The following JAK1 variants were observed in gnomAD, a reference collection of about 807,000 sequenced individuals.
JAK1 encodes tyrosine-protein kinase JAK1.
A neutral mutation model predicts 136.6 loss-of-function variants in JAK1; 16 were observed. The ratio of observed to expected loss-of-function variants is 0.12; its 90% CI spans 0.08 to 0.18. The LOEUF (loss-of-function observed/expected upper bound fraction) is 0.18. Among genes scored for constraint, JAK1 ranks in the 10% least tolerant of loss-of-function variants. The probability of loss-of-function intolerance (pLI) is 1.00; values close to 1 mark genes in which losing one functional copy is unlikely to be tolerated. For synonymous variants in JAK1, 492 were observed against 519.5 expected, an observed-to-expected ratio of 0.95 and a Z score of 0.72; for missense variants, 859 against 1,450.1, an observed-to-expected ratio of 0.59 and a Z score of 6.62.
intron 1 of JAK1, among the ~76,000 whole-genome samples, chr1:64,938,323 T>C (rs562898060): frequency 7.9e-5 from 12 of 152,334 alleles, no homozygotes; most frequent in African/African-American, 2.4e-4. Context: ...TCCACTATAA[T>C]AGAAAGGCTC....
At chr1:64,934,309 T>G (rs1043548545) in intron 1 of JAK1, among the ~76,000 whole-genome samples, 11 of 152,260 alleles carry the variant, frequency 7.2e-5, no homozygotes, top group African/African-American at 2.6e-4. Flanking sequence ...TGAAGCTGCT[T>G]TTTATTTTTA....
At chr1:65,066,502 C>G (rs2100905478) in intron 1 of JAK1, 1 of 152,398 alleles carries the variant, frequency 6.6e-6, no homozygotes, top group Non-Finnish European at 1.5e-5. Flanking sequence ...GCAGAGAAAC[C>G]GAGGCTTCCC....
intron 11 of JAK1, among the ~76,000 whole-genome samples, chr1:64,854,898 C>T (rs1410040866): frequency 2.6e-5 from 4 of 152,182 alleles, no homozygotes; most frequent in African/African-American, 9.7e-5. Context: ...GCACTGGCAA[C>T]CTCCCACTCA....
chr1:64,910,693 G>T (rs1444786818), intron 1 of JAK1, among the ~76,000 whole-genome samples: 1 of 152,050 alleles, frequency 6.6e-6, no homozygotes, highest in Non-Finnish European at 1.5e-5. Flanking sequence ...AATTAGCCAG[G>T]CATGGTGGCG....
chr1:65,061,103 C>T (rs1410637891), intron 1 of JAK1, among the ~76,000 whole-genome samples: 1 of 152,194 alleles, frequency 6.6e-6, no homozygotes, highest in African/African-American at 2.4e-5. Flanking sequence ...AAAACTGGCA[C>T]ACCAAAGAAC....
chr1:65,063,391 C>T (rs1647894397), intron 1 of JAK1, among the ~76,000 whole-genome samples: 2 of 152,194 alleles, frequency 1.3e-5, no homozygotes, highest in African/African-American at 2.4e-5. Context: ...CACTAATCTC[C>T]CTAATATAAC....
intron 11 of JAK1, among the ~76,000 whole-genome samples, chr1:64,852,006 C>T (rs17127091): frequency 0.049 from 7,491 of 152,276 alleles, 263 homozygotes; most frequent in African/African-American, 0.1. Flanking sequence ...CCACACACAC[C>T]GCTGGGAGAC....
intron 1 of JAK1, among the ~76,000 whole-genome samples, chr1:64,935,480 T>C (rs1303819945): frequency 6.6e-6 from 1 of 152,118 alleles, no homozygotes; most frequent in African/African-American, 2.4e-5. Flanking sequence ...TTGTATTTTT[T>C]AGTAGAGATG....
chr1:65,067,671 A>G (rs1042066356), exon 1 of JAK1: 8 of 150,268 alleles, frequency 5.3e-5, no homozygotes, highest in African/African-American at 1.9e-4. Flanking sequence ...GGATTATCTA[A>G]TGACGCAGCA....
chr1:64,994,804 C>T (rs1243897038), intron 2 of JAK1, among the ~76,000 whole-genome samples: 6 of 152,108 alleles, frequency 3.9e-5, no homozygotes, highest in Non-Finnish European at 5.9e-5. Context: ...CCTTGGTTCT[C>T]ATATGGGTGG....
At chr1:64,889,894 C>T (rs76849507) in intron 1 of JAK1, among the ~76,000 whole-genome samples, 5 of 152,188 alleles carry the variant, frequency 3.3e-5, no homozygotes, top group South Asian at 2.1e-4. Context: ...CAGATTTTTA[C>T]CGTTAAAAAC....
Position 64,839,631 on chromosome 1 carries a change from C to G in JAK1, c.2814G>C (p.Val938=), listed in dbSNP as rs1654762222. 1 of 1,614,174 alleles carries G rather than the reference C, an allele frequency of 6.2e-7. No homozygotes were observed. ...CTTCTGTGCAGATTCCTTTGTACTT[C>G]ACAATGTTCTCATGATAGAGGTTCC... ...ILRNLYHENI[V]KYKGICTEDG... The change falls in exon 20 of 25, where the codon GTG becomes GTC. Residue 938 remains valine (V), a synonymous_variant. Transcript: ENST00000342505.
chr1:64,911,153 G>A (rs1184424922), intron 1 of JAK1, among the ~76,000 whole-genome samples: 2 of 151,732 alleles, frequency 1.3e-5, no homozygotes, highest in Non-Finnish European at 2.9e-5. Flanking sequence ...TAAAATTGAA[G>A]AAAACTACCA....
intron 8 of JAK1, among the ~76,000 whole-genome samples, chr1:64,863,887 A>G (rs556094806): frequency 6.6e-6 from 1 of 152,352 alleles, no homozygotes; most frequent in South Asian, 2.1e-4. Context: ...CATAAACCAT[A>G]ACCTGCCTCT....
intron 2 of JAK1, among the ~76,000 whole-genome samples, chr1:64,994,126 A>G (rs889277886): frequency 3.9e-5 from 6 of 152,072 alleles, no homozygotes; most frequent in Admixed American, 3.3e-4. Flanking sequence ...TTTTTTGTAG[A>G]GACAGGTTTT....
Position 64,913,686 on chromosome 1 carries a change from A to AGGAAGGAAGGAAGGAAGGAG in JAK1, c.-77-27346_-77-27345insCTCCTTCCTTCCTTCCTTCC, listed in dbSNP as rs1557686623. The stretch of plus-strand genomic sequence containing the variant: ...AAGGAAGGAAGGAAGGAAGGAAGGA[A>AGGAAGGAAGGAAGGAAGGAG]GGAAGGAAGGAAGGAAAGAAGGGAG... On this transcript the variant is annotated intron_variant, in intron 1 of 24. Transcript: ENST00000342505. 2.2e-3 allele frequency among the ~76,000 whole-genome samples: 64 copies of AGGAAGGAAGGAAGGAAGGAG among 28,904 alleles called. 1 individual carries two copies. Among genetic ancestry groups the AGGAAGGAAGGAAGGAAGGAG allele is most frequent in the African/African-American group, 6.5e-3 (62 of 9,548 alleles). The allele number at this position is 28,904 out of a possible 152,430, so 19.0% of individuals were successfully genotyped here.
intron 2 of JAK1, among the ~76,000 whole-genome samples, chr1:64,975,881 C>T (rs1646494229): frequency 6.6e-6 from 1 of 152,222 alleles, no homozygotes; most frequent in Non-Finnish European, 1.5e-5. Context: ...ACGATGGTGA[C>T]TCTTTTCTCC....
intron 2 of JAK1, among the ~76,000 whole-genome samples, chr1:65,007,819 C>A (rs1277555714): frequency 6.6e-6 from 1 of 151,716 alleles, no homozygotes; most frequent in Non-Finnish European, 1.5e-5. Context: ...GATCTTGGCT[C>A]ACTGCAACCT....
At chr1:64,951,746 C>T (rs1182691381) in intron 1 of JAK1, among the ~76,000 whole-genome samples, 3 of 149,402 alleles carry the variant, frequency 2.0e-5, no homozygotes, top group African/African-American at 7.3e-5. Flanking sequence ...GCAAGCTCCA[C>T]CTCCCGGGTT....
Sources: gnomAD v4.1 joint callset for allele counts (sites outside exome capture counted in the v4.1 genomes callset) on GRCh38, gnomAD v4.1.1 for gene constraint, MANE v1.5 for transcripts, NCBI Gene and HGNC (gene_info 2026-07-23, HGNC 2026-07-21) for gene names.